The following LRMDA variants were observed in gnomAD, a reference collection of about 807,000 sequenced individuals.
LRMDA encodes leucine rich melanocyte differentiation associated.
A neutral mutation model predicts 29.8 loss-of-function variants in LRMDA; 18 were observed. The ratio of observed to expected loss-of-function variants is 0.60; its 90% CI spans 0.42 to 0.90. The LOEUF (loss-of-function observed/expected upper bound fraction) is 0.90, where lower values mean the gene tolerates loss of function less well. LRMDA is among the 40% of genes least tolerant of loss of function. The pLI, the probability that LRMDA is intolerant of heterozygous loss-of-function variation, is 0.00. For missense variants in LRMDA, 273 were observed against 273.9 expected, an observed-to-expected ratio of 1.00 and a Z score of 0.02; for synonymous variants, 125 against 109.4, an observed-to-expected ratio of 1.14 and a Z score of -0.89.
chr10:75,863,633 C>T (rs1844970428), intron 2 of LRMDA, among the ~76,000 whole-genome samples: 1 of 152,124 alleles, frequency 6.6e-6, no homozygotes, highest in South Asian at 2.1e-4. Flanking sequence ...TGTGAGAAGA[C>T]AACCTTGGTA....
chr10:75,672,177 A>C (rs1162532227), intron 2 of LRMDA, among the ~76,000 whole-genome samples: 2 of 152,132 alleles, frequency 1.3e-5, no homozygotes, highest in Admixed American at 6.5e-5. Context: ...TTGTTAGTGT[A>C]ATCTTATAAT....
At chr10:75,763,250 A>G (rs1564561727) in intron 2 of LRMDA, among the ~76,000 whole-genome samples, 1 of 152,146 alleles carries the variant, frequency 6.6e-6, no homozygotes, top group Non-Finnish European at 1.5e-5. Context: ...TTGACAATGA[A>G]AGATTTTGGA....
At chr10:76,240,210 C>G (rs991818583) in intron 5 of LRMDA, among the ~76,000 whole-genome samples, 1 of 149,290 alleles carries the variant, frequency 6.7e-6, no homozygotes, top group African/African-American at 2.5e-5. Flanking sequence ...CACACACACA[C>G]CACACACACA....
At chr10:76,083,090 A>C (rs1366717244) in intron 5 of LRMDA, among the ~76,000 whole-genome samples, 2 of 152,190 alleles carry the variant, frequency 1.3e-5, no homozygotes, top group African/African-American at 4.8e-5. Flanking sequence ...ATAAACTGAC[A>C]TCTGGGGCTG....
At chr10:76,030,458 T>C (rs544984563) in intron 2 of LRMDA, among the ~76,000 whole-genome samples, 2 of 152,226 alleles carry the variant, frequency 1.3e-5, no homozygotes, top group South Asian at 4.1e-4. Context: ...AAAAAGAGTT[T>C]TATGGAAAAA....
chr10:76,053,559 AC>A (rs1848564162), intron 4 of LRMDA, among the ~76,000 whole-genome samples: 1 of 152,080 alleles, frequency 6.6e-6, no homozygotes, highest in Non-Finnish European at 1.5e-5. Context: ...GCCTTTTGAC[AC>A]CCTGACATGA....
intron 6 of LRMDA, among the ~76,000 whole-genome samples, chr10:76,363,861 G>T (rs914869503): frequency 6.6e-6 from 1 of 152,174 alleles, no homozygotes; most frequent in Non-Finnish European, 1.5e-5. Context: ...AAGACAAGGA[G>T]TGAAATGTCA....
intron 2 of LRMDA, among the ~76,000 whole-genome samples, chr10:75,795,421 G>T (rs1328771633): frequency 6.7e-6 from 1 of 150,324 alleles, no homozygotes; most frequent in African/African-American, 2.4e-5. Context: ...TAAAATAAAA[G>T]AAGAAAAAGA....
chr10:76,181,308 A>G (rs140441078), intron 5 of LRMDA, among the ~76,000 whole-genome samples: 51 of 152,256 alleles, frequency 3.3e-4, no homozygotes, highest in East Asian at 1.2e-3. Flanking sequence ...TGCTTCATCA[A>G]TTGCTTTGTT....
intron 2 of LRMDA, among the ~76,000 whole-genome samples, chr10:75,624,985 T>G (rs1056656966): frequency 6.6e-6 from 1 of 152,190 alleles, no homozygotes; most frequent in African/African-American, 2.4e-5. Context: ...GACCAAGTCT[T>G]CAAAATTTCT....
Position 76,291,899 on chromosome 10 carries a change from TACACCCACACGTGCACACAC to T in LRMDA, c.517-32497_517-32478del, listed in dbSNP as rs1840345439. On this transcript the variant is annotated intron_variant, in intron 5 of 6. Coordinates refer to ENST00000611255, the MANE Select transcript of LRMDA (RefSeq NM_001305581.2). ...CTAATATGTATATACAGATTATATA[TACACCCACACGTGCACACAC>T]ACACACACACGTGCACACACACACA... is the stretch of plus-strand genomic sequence containing the variant. 2.1e-5 allele frequency among the ~76,000 whole-genome samples: 3 copies of T among 146,078 alleles called. No homozygotes were observed. In the Admixed American group the frequency reaches 2.1e-4, roughly 10 times the overall value.
At chr10:75,716,953 C>T (rs1425783554) in intron 2 of LRMDA, among the ~76,000 whole-genome samples, 1 of 152,162 alleles carries the variant, frequency 6.6e-6, no homozygotes, top group Non-Finnish European at 1.5e-5. Flanking sequence ...TGTGAAAAAT[C>T]TCACCAACAT....
rs139641401 is a variant in LRMDA at position 75,500,866 on chromosome 10, C to T, written c.131+62372C>T. 7.2e-4 allele frequency among the ~76,000 whole-genome samples: 109 copies of T among 152,276 alleles called. No individual in the cohort carries two copies. The Middle Eastern group carries it at 0.031, about 43-fold the overall frequency. ...CCAGGTCCCTCGCTCGATTACAGTT[C>T]GAGATGAGATTTGGTGGGGACACAG... On this transcript the variant is annotated intron_variant, in intron 2 of 6. Transcript: ENST00000611255.
At chr10:75,578,214 G>GAAAAAAAAAAAAAA (rs1589191365) in intron 2 of LRMDA, among the ~76,000 whole-genome samples, 3 of 8,346 alleles carry the variant, frequency 3.6e-4, no homozygotes, top group South Asian at 4.1e-3. Context: ...CAAATGGAAA[G>GAAAAAAAAAAAAAA]CAAAAAAAAA....
intron 3 of LRMDA, among the ~76,000 whole-genome samples, chr10:76,037,567 T>G: frequency 6.6e-6 from 1 of 152,232 alleles, no homozygotes; most frequent in East Asian, 1.9e-4. Context: ...TGAGGTGGCT[T>G]AAACAACAAA....
intron 5 of LRMDA, among the ~76,000 whole-genome samples, chr10:76,298,057 G>A (rs974501305): frequency 1.3e-5 from 2 of 152,184 alleles, no homozygotes; most frequent in Non-Finnish European, 1.5e-5. Flanking sequence ...ACACAGCTGC[G>A]TGCGAGCTGC....
Position 75,431,776 on chromosome 10 carries a change from C to T in LRMDA, c.30+22C>T, listed in dbSNP as rs1844200373. 2.2e-6 allele frequency: 3 copies of T among 1,359,604 alleles called. No individual in the cohort carries two copies. The East Asian group carries it at 9.2e-5, about 42-fold the overall frequency. 84.2% of individuals were successfully genotyped at this position (1,359,604 alleles called of 1,614,324 possible). ...TCAAGTAAGTCCCGGCCAGCCCCGC[C>T]TCCGCCCGGGGCGCAGTCCGCGTGG... On this transcript the variant is annotated intron_variant, in intron 1 of 6. Transcript: ENST00000611255.
intron 5 of LRMDA, among the ~76,000 whole-genome samples, chr10:76,114,705 TGA>T (rs1291939945): frequency 2.0e-5 from 3 of 152,188 alleles, no homozygotes; most frequent in Admixed American, 1.3e-4. Flanking sequence ...CCCTGCCAGA[TGA>T]GAGATGATTT....
At chr10:75,995,537 A>G (rs113882574) in intron 2 of LRMDA, among the ~76,000 whole-genome samples, 3 of 152,332 alleles carry the variant, frequency 2.0e-5, no homozygotes, top group African/African-American at 4.8e-5. Context: ...AACTTGACCA[A>G]GTCAACAGTT....
Sources: allele counts gnomAD v4.1 joint callset (sites outside exome capture counted in the v4.1 genomes callset), GRCh38; gene constraint gnomAD v4.1.1; transcripts MANE v1.5; gene names NCBI Gene and HGNC (gene_info 2026-07-23, HGNC 2026-07-21).